The following TLR2 variants were observed in gnomAD, a reference collection of about 807,000 sequenced individuals.
TLR2 encodes toll-like receptor 2.
TLR2 carries 7 observed loss-of-function variants against 9.1 expected under a neutral mutation model. That is an observed-to-expected ratio of 0.77 (90% CI 0.44 to 1.44). TLR2 has a LOEUF of 1.44. Among genes scored for constraint, TLR2 ranks in the 40% most tolerant of loss-of-function variants. TLR2 has a pLI of 0.01. For missense variants in TLR2, 812 were observed against 904.6 expected (o/e 0.90, Z 1.31); for synonymous variants, 317 against 344.6 (o/e 0.92, Z 0.89).
At chr4:153,685,542 A>G (rs1735647473) in intron 1 of TLR2, among the ~76,000 whole-genome samples, 1 of 152,204 alleles carries the variant, frequency 6.6e-6, no homozygotes, top group Non-Finnish European at 1.5e-5. Flanking sequence ...CAAACAAACA[A>G]CAAAAGCAAG....
At chr4:153,696,070 A>C (rs529824889) in intron 2 of TLR2, among the ~76,000 whole-genome samples, 225 of 152,178 alleles carry the variant, frequency 1.5e-3, no homozygotes, top group Non-Finnish European at 2.8e-3. Flanking sequence ...TGTTTTAGTT[A>C]CTATAGCTCT....
At chr4:153,684,756 G>A (rs1428294976) in intron 1 of TLR2, among the ~76,000 whole-genome samples, 1 of 152,142 alleles carries the variant, frequency 6.6e-6, no homozygotes, top group South Asian at 2.1e-4. Context: ...GGGTTGCCGC[G>A]GAGAGCTTCC....
At position 153,703,617 on chromosome 4, in the gene TLR2, T is replaced by A. The variant is rs759196067; in HGVS notation, c.710T>A (p.Phe237Tyr). 8 of 1,613,992 alleles carry A rather than the reference T, an allele frequency of 5.0e-6. No individual in the cohort carries two copies. The highest frequency in any genetic ancestry group is 1.1e-5 in the South Asian group (1 of 91,032). The part of the protein sequence containing the change: ...LELRDTDLDT[F>Y]HFSELSTGET... ...CTGCGAGATACTGATTTGGACACTTTCCATTTTTCAGAACTATCCACTGGT... is the reference window on the plus strand; with the variant it reads ...CTGCGAGATACTGATTTGGACACTTACCATTTTTCAGAACTATCCACTGGT... The change falls in exon 3 of 3, where the codon TTC becomes TAC. Residue 237 changes from phenylalanine to tyrosine, a missense_variant. Phe to Tyr is a conservative substitution (Grantham distance 22). Coordinates refer to ENST00000642700, the MANE Select transcript of TLR2 (RefSeq NM_001318789.2).
chr4:153,684,813 G>T (rs1319027395), intron 1 of TLR2, among the ~76,000 whole-genome samples: 3 of 150,674 alleles, frequency 2.0e-5, no homozygotes, highest in South Asian at 2.1e-4. Context: ...GGAGGCCGAG[G>T]GGGGCGGTGG....
downstream of TLR2, among the ~76,000 whole-genome samples, chr4:153,708,721 C>T (rs1737409629): frequency 6.6e-6 from 1 of 152,052 alleles, no homozygotes; most frequent in Non-Finnish European, 1.5e-5. Context: ...TTAGCAGGCT[C>T]CCAGGAAAAT....
chr4:153,698,678 C>A (rs1736675261), intron 2 of TLR2, among the ~76,000 whole-genome samples: 1 of 152,108 alleles, frequency 6.6e-6, no homozygotes, highest in Non-Finnish European at 1.5e-5. Flanking sequence ...ATAATAAAAA[C>A]CTCAGTTGGT....
chr4:153,692,300 A>C (rs939694436), intron 2 of TLR2, among the ~76,000 whole-genome samples: 4 of 152,206 alleles, frequency 2.6e-5, no homozygotes, highest in Non-Finnish European at 5.9e-5. Flanking sequence ...ATGGCTCTTA[A>C]GTCAGTTAAC....
rs1232433713 is a variant in TLR2 at position 153,703,633 on chromosome 4, A to G, written c.726A>G (p.Leu242=). Residue 242 remains leucine (L), a synonymous_variant, in exon 3 of 3, where the codon CTA becomes CTG. Transcript: ENST00000642700. Reference sequence around the variant, plus strand: ...TGGACACTTTCCATTTTTCAGAACTATCCACTGGTGAAACAAATTCATTGA... The same window carrying G: ...TGGACACTTTCCATTTTTCAGAACTGTCCACTGGTGAAACAAATTCATTGA... The part of the protein sequence containing the change: ...TDLDTFHFSE[L]STGETNSLIK... The G allele has an allele frequency of 6.2e-7, 1 of 1,613,662 alleles. No homozygotes were observed. Among genetic ancestry groups the G allele is most frequent in the Non-Finnish European group, 8.5e-7 (1 of 1,179,874 alleles).
intron 2 of TLR2, among the ~76,000 whole-genome samples, chr4:153,697,959 C>G (rs1036999996): frequency 3.3e-5 from 5 of 152,082 alleles, no homozygotes; most frequent in African/African-American, 1.2e-4. Context: ...ATTGTGAACT[C>G]TCATCATATC....
At chr4:153,697,693 T>G (rs1736598479) in intron 2 of TLR2, among the ~76,000 whole-genome samples, 1 of 152,166 alleles carries the variant, frequency 6.6e-6, no homozygotes, top group East Asian at 1.9e-4. Context: ...TTTTCTCTCC[T>G]GATAAAAAAG....
At position 153,704,026 on chromosome 4, in the gene TLR2, T is replaced by C. The variant is rs1303963456; in HGVS notation, c.1119T>C (p.Val373=). ...EYLDLSENLM[V]EEYLKNSACE... ...TGGATCTCAGTGAAAATTTGATGGTTGAAGAATACTTGAAAAATTCAGCCT... is the reference window on the plus strand; with the variant it reads ...TGGATCTCAGTGAAAATTTGATGGTCGAAGAATACTTGAAAAATTCAGCCT... The change falls in exon 3 of 3, where the codon GTT becomes GTC. Residue 373 remains valine (V), a synonymous_variant. Transcript: ENST00000642700. The C allele has an allele frequency of 1.9e-6, 3 of 1,614,022 alleles. No homozygotes were observed. The highest frequency in any genetic ancestry group is 2.5e-6 in the Non-Finnish European group (3 of 1,180,018).
downstream of TLR2, among the ~76,000 whole-genome samples, chr4:153,706,677 A>ATG (rs1425416755): frequency 2.0e-5 from 3 of 152,220 alleles, no homozygotes; most frequent in African/African-American, 7.2e-5. Flanking sequence ...GCTGGGAACC[A>ATG]TGTGAAAGGA....
intron 2 of TLR2, 148 bp from the exon 3 acceptor site, chr4:153,702,744 T>C: frequency 1.5e-6 from 1 of 653,936 alleles, no homozygotes; most frequent in Non-Finnish European, 2.5e-6. Context: ...ATTCATCTGT[T>C]TCTCTCTCTC....
chr4:153,694,684 CA>C (rs1398393464), intron 2 of TLR2, among the ~76,000 whole-genome samples: 1 of 152,146 alleles, frequency 6.6e-6, no homozygotes, highest in Non-Finnish European at 1.5e-5. Flanking sequence ...GTGTTATAAA[CA>C]ATCCAATTAA....
chr4:153,691,230 C>CAA (rs34282464), intron 2 of TLR2, among the ~76,000 whole-genome samples: 5 of 151,910 alleles, frequency 3.3e-5, no homozygotes, highest in Non-Finnish European at 5.9e-5. Context: ...TAGTTAATTT[C>CAA]AAAAATTGAA....
chr4:153,685,514 A>G (rs1353567350), intron 1 of TLR2, among the ~76,000 whole-genome samples: 1 of 152,224 alleles, frequency 6.6e-6, no homozygotes, highest in Non-Finnish European at 1.5e-5. Context: ...CAAACAAACA[A>G]CAAAACACAA....
chr4:153,690,338 A>T (rs560073092), intron 2 of TLR2, among the ~76,000 whole-genome samples: 4 of 152,312 alleles, frequency 2.6e-5, no homozygotes, highest in Non-Finnish European at 5.9e-5. Context: ...TTCTTTCTAC[A>T]ATGGTTTGTC....
intron 2 of TLR2, among the ~76,000 whole-genome samples, chr4:153,688,822 T>G (rs1431007709): frequency 1.3e-5 from 2 of 152,220 alleles, no homozygotes; most frequent in Non-Finnish European, 2.9e-5. Flanking sequence ...AGATTTTGTT[T>G]ATGGCCAAAT....
rs2127073308 is a variant in TLR2, at chr4:153,705,796, TG to T, written c.*536del. ...TTTGATCCACAGTTGGTTGACTTCA[TG>T]GATGCAGAACCCATGGATATAGAGG... On this transcript the variant is annotated 3_prime_UTR_variant, in exon 3 of 3. Transcript: ENST00000642700. The T allele has an allele frequency of 6.0e-6, 1 of 167,236 alleles. No homozygotes were observed. The highest frequency in any genetic ancestry group is 1.9e-4 in the East Asian group (1 of 5,194). 10.4% of individuals were successfully genotyped at this position (167,236 alleles called of 1,614,324 possible). A position where few individuals can be genotyped will look rare whatever the true frequency, so the allele number is the denominator to read the frequency against.
Sources: allele counts gnomAD v4.1 joint callset (sites outside exome capture counted in the v4.1 genomes callset), GRCh38; gene constraint gnomAD v4.1.1; transcripts MANE v1.5; gene names NCBI Gene and HGNC (gene_info 2026-07-23, HGNC 2026-07-21).